Variants in NDUFS4 observed in about 807,000 individuals in gnomAD.
The protein encoded by NDUFS4 is NADH dehydrogenase [ubiquinone] iron-sulfur protein 4, mitochondrial.
Under a neutral mutation model 24.3 loss-of-function variants are expected in NDUFS4, and 28 were observed. The observed-to-expected ratio is 1.15, with a 90% CI of 0.85 to 1.58. The LOEUF is 1.58. Among genes scored for constraint, NDUFS4 ranks in the 40% most tolerant of loss-of-function variants. The pLI is 0.00. For missense variants in NDUFS4, 223 were observed against 207.9 expected, an observed-to-expected ratio of 1.07 and a Z score of -0.45; for synonymous variants, 93 against 69.7, an observed-to-expected ratio of 1.34 and a Z score of -1.67.
chr5:53,665,797 G>C (rs1752496449), intron 4 of NDUFS4, among the ~76,000 whole-genome samples: 1 of 152,236 alleles, frequency 6.6e-6, no homozygotes, highest in Non-Finnish European at 1.5e-5. Context: ...GCCTCGCCCT[G>C]CTTGGGCTCA....
intron 3 of NDUFS4, among the ~76,000 whole-genome samples, chr5:53,657,622 C>T (rs1482269169): frequency 1.3e-5 from 2 of 152,016 alleles, no homozygotes; most frequent in Non-Finnish European, 2.9e-5. Flanking sequence ...AGTGTTCCAC[C>T]TTGTTATAAG....
At chr5:53,675,199 T>C (rs1740423057) in intron 4 of NDUFS4, among the ~76,000 whole-genome samples, 1 of 140,246 alleles carries the variant, frequency 7.1e-6, no homozygotes, top group Non-Finnish European at 1.5e-5. Context: ...TCTCACTCTG[T>C]CACCCAGGCT....
At chr5:53,602,828 C>T (rs185393019) in intron 1 of NDUFS4, among the ~76,000 whole-genome samples, 17 of 152,188 alleles carry the variant, frequency 1.1e-4, no homozygotes, top group Admixed American at 9.2e-4. Context: ...CGTCCGTTAA[C>T]GTTAAGTAAT....
At chr5:53,582,619 A>G (rs1248081630) in intron 1 of NDUFS4, among the ~76,000 whole-genome samples, 2 of 152,362 alleles carry the variant, frequency 1.3e-5, no homozygotes, top group South Asian at 2.1e-4. Context: ...TCATCAACAT[A>G]TAACAAAATG....
chr5:53,594,883 T>A (rs1175551703), intron 1 of NDUFS4, among the ~76,000 whole-genome samples: 1 of 151,732 alleles, frequency 6.6e-6, no homozygotes, highest in Non-Finnish European at 1.5e-5. Flanking sequence ...TGTGTGTGTG[T>A]GTGTGTGTGT....
At chr5:53,574,607 T>C (rs1749325382) in intron 1 of NDUFS4, among the ~76,000 whole-genome samples, 1 of 152,204 alleles carries the variant, frequency 6.6e-6, no homozygotes, top group Non-Finnish European at 1.5e-5. Context: ...TTTTTCATCA[T>C]CTTTTCTTTT....
intron 2 of NDUFS4, among the ~76,000 whole-genome samples, chr5:53,622,973 C>T (rs974189473): frequency 6.6e-6 from 1 of 152,162 alleles, no homozygotes; most frequent in Admixed American, 6.5e-5. Flanking sequence ...AAAGGCTCTA[C>T]ATAATAGTTC....
intron 4 of NDUFS4, among the ~76,000 whole-genome samples, chr5:53,671,230 A>C (rs944059231): frequency 6.6e-6 from 1 of 152,080 alleles, no homozygotes; most frequent in African/African-American, 2.4e-5. Context: ...TTTTGAGATG[A>C]AAAGAAGTTC....
intron 1 of NDUFS4, among the ~76,000 whole-genome samples, chr5:53,567,503 G>A (rs975394825): frequency 6.6e-6 from 1 of 152,016 alleles, no homozygotes; most frequent in Non-Finnish European, 1.5e-5. Flanking sequence ...ACTTTTCATA[G>A]GTGACTTATT....
intron 2 of NDUFS4, among the ~76,000 whole-genome samples, chr5:53,609,211 A>G (rs928924577): frequency 6.6e-6 from 1 of 152,172 alleles, no homozygotes; most frequent in Non-Finnish European, 1.5e-5. Context: ...AGGAATCACT[A>G]TGGTAGCTAT....
chr5:53,616,155 AT>A (rs959196412), intron 2 of NDUFS4, among the ~76,000 whole-genome samples: 1 of 151,716 alleles, frequency 6.6e-6, no homozygotes, highest in Non-Finnish European at 1.5e-5. Context: ...CATTCAAGAT[AT>A]TTTTTTACTT....
intron 4 of NDUFS4, among the ~76,000 whole-genome samples, chr5:53,680,387 G>T (rs1466929297): frequency 6.6e-6 from 1 of 152,120 alleles, no homozygotes; most frequent in Non-Finnish European, 1.5e-5. Flanking sequence ...AAAGACACAT[G>T]CACACGTATG....
chr5:53,670,998 T>G (rs1487718520), intron 4 of NDUFS4, among the ~76,000 whole-genome samples: 4 of 151,648 alleles, frequency 2.6e-5, no homozygotes, highest in Non-Finnish European at 2.9e-5. Context: ...TATAGAGAGA[T>G]AATATATATA....
intron 1 of NDUFS4, among the ~76,000 whole-genome samples, chr5:53,568,756 T>C (rs1357982708): frequency 6.6e-6 from 1 of 152,204 alleles, no homozygotes; most frequent in African/African-American, 2.4e-5. Flanking sequence ...AAGGTGGTCT[T>C]TCACTGGATG....
intron 3 of NDUFS4, among the ~76,000 whole-genome samples, chr5:53,656,257 T>G (rs559768271): frequency 6.6e-6 from 1 of 152,026 alleles, no homozygotes; most frequent in East Asian, 1.9e-4. Flanking sequence ...CTGAAAATTA[T>G]TTTTCTGTTT....
At chr5:53,665,975 A>G (rs568159646) in intron 4 of NDUFS4, among the ~76,000 whole-genome samples, 1 of 151,992 alleles carries the variant, frequency 6.6e-6, no homozygotes, top group Non-Finnish European at 1.5e-5. Context: ...CTCCACCTTA[A>G]CTCTTAATAG....
intron 4 of NDUFS4, among the ~76,000 whole-genome samples, chr5:53,672,234 CAA>C (rs879689009): frequency 2.1e-5 from 3 of 140,560 alleles, no homozygotes; most frequent in Non-Finnish European, 3.1e-5. Flanking sequence ...AAAAACAAAA[CAA>C]AAAAAAAAAC....
At chr5:53,633,089 A>G (rs1579900318) in intron 2 of NDUFS4, among the ~76,000 whole-genome samples, 1 of 152,300 alleles carries the variant, frequency 6.6e-6, no homozygotes, top group Non-Finnish European at 1.5e-5. Flanking sequence ...GCTTACTTCC[A>G]TACCTGTCTC....
At chr5:53,630,194 G>T (rs1751367403) in intron 2 of NDUFS4, among the ~76,000 whole-genome samples, 1 of 152,206 alleles carries the variant, frequency 6.6e-6, no homozygotes, top group Admixed American at 6.5e-5. Flanking sequence ...CTTTAAGAAT[G>T]TTGAATATTG....
Sources: gnomAD v4.1 joint callset for allele counts (sites outside exome capture counted in the v4.1 genomes callset) on GRCh38, gnomAD v4.1.1 for gene constraint, MANE v1.5 for transcripts, NCBI Gene and HGNC (gene_info 2026-07-23, HGNC 2026-07-21) for gene names.